GMDS: variants seen among roughly 807,000 people sequenced by gnomAD.
The protein encoded by GMDS is GDP-mannose 4,6 dehydratase.
Under a neutral mutation model 49.9 loss-of-function variants are expected in GMDS, and 20 were observed. The ratio of observed to expected loss-of-function variants is 0.40; its 90% CI spans 0.28 to 0.58. GMDS has a LOEUF of 0.58. GMDS is among the 20% of genes least tolerant of loss of function. The pLI is 0.42. For missense variants in GMDS, 362 were observed against 481.4 expected (o/e 0.75, Z 2.32); for synonymous variants, 177 against 178.6 (o/e 0.99, Z 0.07).
At chr6:1,890,071 G>C (rs1759801683) in intron 7 of GMDS, among the ~76,000 whole-genome samples, 1 of 151,846 alleles carries the variant, frequency 6.6e-6, no homozygotes. Flanking sequence ...CTGCCACTAG[G>C]ATCCCTGTGC....
At chr6:1,638,069 T>C (rs942169599) in intron 9 of GMDS, among the ~76,000 whole-genome samples, 19 of 152,094 alleles carry the variant, frequency 1.2e-4, no homozygotes, top group African/African-American at 4.1e-4. Flanking sequence ...GGCTGAGGTG[T>C]GTAAAGAAAG....
intron 7 of GMDS, among the ~76,000 whole-genome samples, chr6:1,757,746 G>C (rs1026567395): frequency 2.6e-5 from 4 of 152,182 alleles, no homozygotes; most frequent in African/African-American, 9.7e-5. Context: ...CGTGCATTAA[G>C]GTGGATGTAG....
At chr6:1,746,615 T>G (rs935028868) in intron 7 of GMDS, among the ~76,000 whole-genome samples, 1 of 152,242 alleles carries the variant, frequency 6.6e-6, no homozygotes, top group Non-Finnish European at 1.5e-5. Flanking sequence ...TTTGGACACG[T>G]ACTCTTCTGT....
At chr6:1,719,620 T>A (rs1328970432) in intron 9 of GMDS, among the ~76,000 whole-genome samples, 10 of 67,636 alleles carry the variant, frequency 1.5e-4, no homozygotes, top group African/African-American at 6.9e-4. Context: ...TGCTGATTTG[T>A]TTAAAAAAAA....
At chr6:1,739,103 C>T (rs925421123) in intron 8 of GMDS, among the ~76,000 whole-genome samples, 1 of 152,228 alleles carries the variant, frequency 6.6e-6, no homozygotes, top group Non-Finnish European at 1.5e-5. Context: ...GGCATGAAGA[C>T]CTGGGTCTGT....
intron 9 of GMDS, among the ~76,000 whole-genome samples, chr6:1,666,881 C>T (rs892828881): frequency 5.3e-5 from 8 of 152,240 alleles, no homozygotes; most frequent in African/African-American, 1.9e-4. Flanking sequence ...TTTCTATCCA[C>T]CTTCTGCCCA....
chr6:2,118,861 C>T (rs1340048926), intron 2 of GMDS, among the ~76,000 whole-genome samples: 1 of 152,132 alleles, frequency 6.6e-6, no homozygotes, highest in South Asian at 2.1e-4. Flanking sequence ...TTAATTTAAA[C>T]GTGGAGAAAA....
intron 7 of GMDS, among the ~76,000 whole-genome samples, chr6:1,876,400 T>G (rs888603149): frequency 6.6e-6 from 1 of 152,264 alleles, no homozygotes; most frequent in Non-Finnish European, 1.5e-5. Flanking sequence ...ATACATTCTT[T>G]AACCTAAGGA....
intron 9 of GMDS, among the ~76,000 whole-genome samples, chr6:1,683,640 G>A (rs555457675): frequency 9.2e-5 from 14 of 152,280 alleles, no homozygotes; most frequent in South Asian, 2.1e-4. Flanking sequence ...GAAATGACAC[G>A]ATACACGCAT....
chr6:2,139,696 G>A (rs1776188925), intron 1 of GMDS, among the ~76,000 whole-genome samples: 1 of 152,154 alleles, frequency 6.6e-6, no homozygotes, highest in African/African-American at 2.4e-5. Flanking sequence ...GGGGAACTGG[G>A]ATTTCAACCC....
At chr6:1,680,495 T>C (rs1195116844) in intron 9 of GMDS, among the ~76,000 whole-genome samples, 1 of 151,866 alleles carries the variant, frequency 6.6e-6, no homozygotes, top group Non-Finnish European at 1.5e-5. Flanking sequence ...CCAATGAGGG[T>C]GCAGGCCAGG....
intron 1 of GMDS, among the ~76,000 whole-genome samples, chr6:2,229,257 G>T (rs932323996): frequency 1.3e-5 from 2 of 152,044 alleles, no homozygotes; most frequent in African/African-American, 2.4e-5. Context: ...TACAGATAAG[G>T]GTGGTTCAAA....
At position 1,799,550 on chromosome 6, in the gene GMDS, T is replaced by G. The variant is rs535477642; in HGVS notation, c.772-56964A>C. Among the ~76,000 whole-genome samples, 4 of 152,086 alleles carry G rather than the reference T, an allele frequency of 2.6e-5. No homozygotes were observed. The East Asian group carries it at 7.7e-4, about 29-fold the overall frequency. On this transcript the variant is annotated intron_variant, in intron 7 of 10. Coordinates refer to ENST00000380815, the MANE Select transcript of GMDS (RefSeq NM_001500.4). Reference sequence around the variant, plus strand: ...AAATAGGTGAAAGAAGACGAGAAAATAGGGCTGTGCTTTTCCTTCCCTACT... The same window carrying G: ...AAATAGGTGAAAGAAGACGAGAAAAGAGGGCTGTGCTTTTCCTTCCCTACT...
At chr6:1,636,796 C>T (rs908787893) in intron 9 of GMDS, among the ~76,000 whole-genome samples, 7 of 152,238 alleles carry the variant, frequency 4.6e-5, no homozygotes, top group Admixed American at 4.6e-4. Context: ...CTGCCCATGC[C>T]TCACCTGCCC....
chr6:2,050,652 C>A (rs1770333531), intron 4 of GMDS, among the ~76,000 whole-genome samples: 1 of 152,154 alleles, frequency 6.6e-6, no homozygotes, highest in African/African-American at 2.4e-5. Context: ...AAACCGAATC[C>A]AGTAGCACAT....
chr6:2,032,643 A>G (rs1327732974), intron 4 of GMDS, among the ~76,000 whole-genome samples: 1 of 152,176 alleles, frequency 6.6e-6, no homozygotes, highest in Non-Finnish European at 1.5e-5. Flanking sequence ...GTCGGCCCTT[A>G]GAAAGCTTAT....
chr6:2,199,571 C>T (rs771696995), intron 1 of GMDS, among the ~76,000 whole-genome samples: 66 of 152,298 alleles, frequency 4.3e-4, no homozygotes, highest in Non-Finnish European at 7.6e-4. Flanking sequence ...ATACAGCCTA[C>T]TCAGGACCTT....
chr6:1,936,615 C>A (rs1418056435), intron 6 of GMDS, among the ~76,000 whole-genome samples: 3 of 152,144 alleles, frequency 2.0e-5, no homozygotes, highest in African/African-American at 4.8e-5. Context: ...TAGCACCACA[C>A]GCCACACCAC....
At chr6:1,781,486 T>C (rs1295988708) in intron 7 of GMDS, among the ~76,000 whole-genome samples, 1 of 152,190 alleles carries the variant, frequency 6.6e-6, no homozygotes, top group Non-Finnish European at 1.5e-5. Flanking sequence ...GCCTACTTCC[T>C]CAGGCCACTG....
Sources: allele counts gnomAD v4.1 joint callset (sites outside exome capture counted in the v4.1 genomes callset), GRCh38; gene constraint gnomAD v4.1.1; transcripts MANE v1.5; gene names NCBI Gene and HGNC (gene_info 2026-07-23, HGNC 2026-07-21).